The following NYAP2 variants were observed in gnomAD, a reference collection of about 807,000 sequenced individuals.
NYAP2 encodes neuronal tyrosine-phosphorylated phosphoinositide-3-kinase adapter 2.
NYAP2 carries 23 observed loss-of-function variants against 50.4 expected under a neutral mutation model. The observed-to-expected ratio is 0.46, with a 90% CI of 0.33 to 0.65. The LOEUF (loss-of-function observed/expected upper bound fraction) is 0.65. Ranked by LOEUF, NYAP2 falls within the 30% of genes least tolerant of loss-of-function variation. NYAP2 has a pLI of 0.02. For missense variants in NYAP2, 885 were observed against 861.0 expected (o/e 1.03, Z -0.35); for synonymous variants, 394 against 365.2 (o/e 1.08, Z -0.90).
At chr2:225,487,943 G>A (rs912237077) in intron 3 of NYAP2, among the ~76,000 whole-genome samples, 2 of 152,160 alleles carry the variant, frequency 1.3e-5, no homozygotes, top group African/African-American at 4.8e-5. Flanking sequence ...TTATGGCATT[G>A]GCTGAAGCTT....
intron 4 of NYAP2, among the ~76,000 whole-genome samples, chr2:225,566,406 T>C (rs745410858): frequency 6.6e-6 from 1 of 152,180 alleles, no homozygotes; most frequent in Non-Finnish European, 1.5e-5. Context: ...CTCAGTAGAC[T>C]GTATCTATGA....
chr2:225,530,911 C>T (rs575534329), intron 4 of NYAP2, among the ~76,000 whole-genome samples: 133 of 152,308 alleles, frequency 8.7e-4, no homozygotes, highest in Non-Finnish European at 1.4e-3. Flanking sequence ...AGTCTCTCCA[C>T]CTGTTTGCAC....
intron 3 of NYAP2, among the ~76,000 whole-genome samples, chr2:225,444,426 G>C (rs1250791954): frequency 6.6e-6 from 1 of 152,082 alleles, no homozygotes; most frequent in Non-Finnish European, 1.5e-5. Flanking sequence ...TTTCTGAAAA[G>C]TTAAATCTTC....
intron 3 of NYAP2, among the ~76,000 whole-genome samples, chr2:225,454,303 C>T (rs1358024555): frequency 1.3e-5 from 2 of 152,082 alleles, no homozygotes; most frequent in Non-Finnish European, 2.9e-5. Flanking sequence ...TGCACTCCAG[C>T]CTGGGTGGCA....
upstream of NYAP2, among the ~76,000 whole-genome samples, chr2:225,398,865 CT>C (rs1349936419): frequency 6.6e-6 from 1 of 151,944 alleles, no homozygotes; most frequent in African/African-American, 2.4e-5. Context: ...AATAGAAAAG[CT>C]TTATAGTAAT....
At chr2:225,695,970 G>T in the NYAP2 span, among the ~76,000 whole-genome samples, 149 of 151,754 alleles carry the variant, frequency 9.8e-4, 2 homozygotes, top group African/African-American at 3.4e-3. Flanking sequence ...TCATCTTCTG[G>T]GCTCCAAGTC....
chr2:225,665,244 C>T, the NYAP2 span, among the ~76,000 whole-genome samples: 1 of 151,922 alleles, frequency 6.6e-6, no homozygotes, highest in South Asian at 2.1e-4. Context: ...AGCAGGTTCC[C>T]TAAACACATG....
intron 5 of NYAP2, among the ~76,000 whole-genome samples, chr2:225,595,164 G>A (rs555120639): frequency 8.5e-5 from 13 of 152,128 alleles, no homozygotes; most frequent in African/African-American, 2.2e-4. Context: ...TTTTCTTTTC[G>A]TAGATGGAAC....
At position 225,651,414 on chromosome 2, in the gene NYAP2, T is replaced by G; in HGVS notation, c.1829-18T>G. ...ATGTCAGTCAGCTAATATTGTGTCT[T>G]TTTCCGCTTGTTTCCAGAGCCTAAA... On this transcript the variant is annotated intron_variant, in intron 6 of 6. Transcript: ENST00000636099. 1.2e-6 allele frequency: 2 copies of G among 1,613,960 alleles called. No individual in the cohort carries two copies. The highest frequency in any genetic ancestry group is 1.7e-6 in the Non-Finnish European group (2 of 1,179,846).
At chr2:225,515,568 G>T (rs576483901) in intron 4 of NYAP2, among the ~76,000 whole-genome samples, 1 of 152,178 alleles carries the variant, frequency 6.6e-6, no homozygotes, top group East Asian at 1.9e-4. Context: ...TTATCAGTAA[G>T]TCCTTCAACT....
At chr2:225,597,670 G>T (rs1692629315) in intron 5 of NYAP2, among the ~76,000 whole-genome samples, 1 of 150,446 alleles carries the variant, frequency 6.6e-6, no homozygotes, top group Non-Finnish European at 1.5e-5. Context: ...CTCTGGGTAG[G>T]TACCCAGTAG....
chr2:225,424,674 C>T (rs1695260794), intron 3 of NYAP2, among the ~76,000 whole-genome samples: 1 of 151,926 alleles, frequency 6.6e-6, no homozygotes, highest in Admixed American at 6.6e-5. Context: ...GTAATTTCCT[C>T]TGTTTTTTTA....
the NYAP2 span, among the ~76,000 whole-genome samples, chr2:225,660,511 T>A: frequency 6.7e-6 from 1 of 149,046 alleles, no homozygotes; most frequent in Non-Finnish European, 1.5e-5. Flanking sequence ...TAAATGCCTA[T>A]TTTTTTTAAT....
At chr2:225,612,307 T>C (rs1193491130) in intron 5 of NYAP2, among the ~76,000 whole-genome samples, 1 of 151,368 alleles carries the variant, frequency 6.6e-6, no homozygotes, top group African/African-American at 2.4e-5. Context: ...ACATAAGTAA[T>C]CCTCCTTAAA....
chr2:225,562,388 A>T (rs958030411), intron 4 of NYAP2, among the ~76,000 whole-genome samples: 1 of 152,180 alleles, frequency 6.6e-6, no homozygotes, highest in East Asian at 1.9e-4. Flanking sequence ...TATCTCTATG[A>T]ATTTAGGAAT....
At chr2:225,514,247 A>T (rs1240465563) in intron 4 of NYAP2, among the ~76,000 whole-genome samples, 7 of 152,198 alleles carry the variant, frequency 4.6e-5, no homozygotes, top group Admixed American at 1.3e-4. Context: ...TGGTCTATGA[A>T]TATAAATTAG....
intron 3 of NYAP2, among the ~76,000 whole-genome samples, chr2:225,411,193 G>A (rs927980343): frequency 6.6e-6 from 1 of 152,144 alleles, no homozygotes; most frequent in African/African-American, 2.4e-5. Context: ...GATGATAGCA[G>A]TAAAGGTGGT....
intron 3 of NYAP2, among the ~76,000 whole-genome samples, chr2:225,473,438 G>A (rs962739634): frequency 1.3e-5 from 2 of 152,134 alleles, no homozygotes; most frequent in Non-Finnish European, 2.9e-5. Context: ...GTGTAAAAGT[G>A]TTCTTATTTC....
At chr2:225,504,871 G>T (rs1040287867) in intron 3 of NYAP2, among the ~76,000 whole-genome samples, 2 of 152,052 alleles carry the variant, frequency 1.3e-5, no homozygotes, top group African/African-American at 4.8e-5. Context: ...AGCTGGGTAT[G>T]GTGGTGTCTG....
Sources: gnomAD v4.1 joint callset for allele counts (sites outside exome capture counted in the v4.1 genomes callset) on GRCh38, gnomAD v4.1.1 for gene constraint, MANE v1.5 for transcripts, NCBI Gene and HGNC (gene_info 2026-07-23, HGNC 2026-07-21) for gene names.